The following RSBN1L variants were observed in gnomAD, a reference collection of about 807,000 sequenced individuals.
RSBN1L encodes lysine-specific demethylase RSBN1L.
In RSBN1L, 30 loss-of-function variants were observed where a neutral mutation model predicts 67.7. The observed-to-expected ratio is 0.44, with a 90% confidence interval of 0.33 to 0.60. The LOEUF is 0.60. RSBN1L is among the 20% of genes least tolerant of loss of function. The pLI is 0.02. For missense variants in RSBN1L, 992 were observed against 1,031.7 expected, an observed-to-expected ratio of 0.96 and a Z score of 0.53; for synonymous variants, 433 against 387.0, an observed-to-expected ratio of 1.12 and a Z score of -1.39.
intron 1 of RSBN1L, among the ~76,000 whole-genome samples, chr7:77,715,627 C>T (rs1288120713): frequency 6.6e-6 from 1 of 152,058 alleles, no homozygotes; most frequent in Non-Finnish European, 1.5e-5. Context: ...AATTGTTGGG[C>T]TGTTAAGTGT....
intron 3 of RSBN1L, among the ~76,000 whole-genome samples, chr7:77,762,146 TG>T (rs1442449683): frequency 6.6e-6 from 1 of 152,174 alleles, no homozygotes; most frequent in African/African-American, 2.4e-5. Flanking sequence ...CATATCTATA[TG>T]TTTTATATGT....
intron 1 of RSBN1L, among the ~76,000 whole-genome samples, chr7:77,700,465 G>A (rs538545703): frequency 9.8e-5 from 15 of 152,300 alleles, no homozygotes; most frequent in Admixed American, 4.6e-4. Flanking sequence ...CCTTGAAAGT[G>A]TAGTTGCAGG....
rs61611975 is a variant in RSBN1L, at chr7:77,716,624, C to CTTTTT, written c.586+19591_586+19595dup. 8.0e-5 allele frequency among the ~76,000 whole-genome samples: 6 copies of CTTTTT among 75,330 alleles called. 1 individual carries two copies. The highest frequency in any genetic ancestry group is 2.6e-4 in the African/African-American group (5 of 19,514). The allele number at this position is 75,330 out of a possible 152,430, so 49.4% of individuals were successfully genotyped here. A position where few individuals can be genotyped will look rare whatever the true frequency, so the allele number is the denominator to read the frequency against. On this transcript the variant is annotated intron_variant, in intron 1 of 7. Transcript: ENST00000334955. ...TTAAAAGCTGCATGTGTATCTTCATCTTTTTTTTTTTTTTTTTTTTTTTTT... is the reference window on the plus strand; with the variant it reads ...TTAAAAGCTGCATGTGTATCTTCATCTTTTTTTTTTTTTTTTTTTTTTTTTTTTTT...
At chr7:77,726,811 G>A (rs1360758261) in intron 1 of RSBN1L, among the ~76,000 whole-genome samples, 13 of 125,376 alleles carry the variant, frequency 1.0e-4, no homozygotes, top group Non-Finnish European at 1.6e-4. Context: ...GCAGAGTCTC[G>A]CTCTTGTTGC....
At chr7:77,744,139 C>G (rs1791449335) in intron 2 of RSBN1L, among the ~76,000 whole-genome samples, 1 of 152,102 alleles carries the variant, frequency 6.6e-6, no homozygotes, top group African/African-American at 2.4e-5. Context: ...TCAAGCCATC[C>G]TCCTGCCTCA....
chr7:77,771,176 G>A lies in RSBN1L; in HGVS notation c.1626-1971G>A, dbSNP rs140937878. Among the ~76,000 whole-genome samples, 408 of 152,292 alleles carry A rather than the reference G, an allele frequency of 2.7e-3. 1 individual carries two copies. Among genetic ancestry groups the A allele is most frequent in the African/African-American group, 9.5e-3 (395 of 41,564 alleles). ...AGGATGGTCTTGATCTCTTGATCTCGTGATCCTCCTGCCTCGGCCACCCAA... is the reference window on the plus strand; with the variant it reads ...AGGATGGTCTTGATCTCTTGATCTCATGATCCTCCTGCCTCGGCCACCCAA... On this transcript the variant is annotated intron_variant, in intron 5 of 7. Coordinates refer to ENST00000334955, the MANE Select transcript of RSBN1L (RefSeq NM_198467.3).
chr7:77,699,737 T>C (rs1297200761), intron 1 of RSBN1L, among the ~76,000 whole-genome samples: 2 of 152,202 alleles, frequency 1.3e-5, no homozygotes, highest in Non-Finnish European at 2.9e-5. Context: ...GCGTGATAGC[T>C]TGACTCACCA....
Position 77,736,465 on chromosome 7 carries a change from G to T in RSBN1L, c.642G>T (p.Lys214Asn). ...ACAAAGAAAAAGAAAGAGAAAAAAA[G>T]AAACATAAAGTAATGAATGAGATCA... is the stretch of plus-strand genomic sequence containing the variant. ...ERDKEKEREK[K>N]KHKVMNEIKK... Residue 214 changes from lysine to asparagine, a missense_variant, in exon 2 of 8, where the codon AAG becomes AAT. Physicochemically the swap from Lys to Asn is moderately conservative, Grantham distance 94. Around this residue, in one of 7 missense-constraint regions of RSBN1L, gnomAD observed 575 missense variants for 483.2 expected, o/e 1.19. Coordinates refer to ENST00000334955, the MANE Select transcript of RSBN1L (RefSeq NM_198467.3). 1 of 1,197,646 alleles carries T rather than the reference G, an allele frequency of 8.3e-7. No homozygotes were observed. Among genetic ancestry groups the T allele is most frequent in the South Asian group, 1.4e-5 (1 of 70,080 alleles). 74.2% of individuals were successfully genotyped at this position (1,197,646 alleles called of 1,614,324 possible). A position where few individuals can be genotyped will look rare whatever the true frequency, so the allele number is the denominator to read the frequency against.
chr7:77,723,035 T>G (rs1260018869), intron 1 of RSBN1L, among the ~76,000 whole-genome samples: 1 of 150,398 alleles, frequency 6.6e-6, no homozygotes, highest in African/African-American at 2.5e-5. Context: ...TGGTGCAATC[T>G]CGGCTCACCA....
intron 2 of RSBN1L, among the ~76,000 whole-genome samples, chr7:77,744,114 C>G (rs1317291542): frequency 6.6e-6 from 1 of 152,040 alleles, no homozygotes; most frequent in East Asian, 1.9e-4. Context: ...TCACAGCATC[C>G]TCAACCTACT....
At chr7:77,706,335 C>G (rs530816638) in intron 1 of RSBN1L, among the ~76,000 whole-genome samples, 1 of 152,200 alleles carries the variant, frequency 6.6e-6, no homozygotes, top group Admixed American at 6.5e-5. Flanking sequence ...CTTGGCCTCC[C>G]AAAGCTCTGG....
In RSBN1L at chr7:77,782,989, C is replaced by T. The variant is rs901031310; in HGVS notation, c.*3821C>T. On this transcript the variant is annotated 3_prime_UTR_variant, in exon 8 of 8. Transcript: ENST00000334955. ...TTTGAGAGATATTTTCCTTGTCTTC[C>T]ATCATTCAATAAATACTAAAATTGA... 3.9e-5 allele frequency: 6 copies of T among 152,128 alleles called. No homozygotes were observed. The highest frequency in any genetic ancestry group is 1.4e-4 in the African/African-American group (6 of 41,436). 9.4% of individuals were successfully genotyped at this position (152,128 alleles called of 1,614,324 possible).
intron 2 of RSBN1L, among the ~76,000 whole-genome samples, chr7:77,744,711 C>T (rs1167991983): frequency 1.3e-5 from 2 of 152,112 alleles, no homozygotes; most frequent in African/African-American, 4.8e-5. Flanking sequence ...AGCCACTGCG[C>T]CTGGCCACAG....
intron 1 of RSBN1L, among the ~76,000 whole-genome samples, chr7:77,714,264 G>C (rs1791014685): frequency 1.3e-5 from 2 of 152,056 alleles, no homozygotes; most frequent in South Asian, 4.1e-4. Context: ...GCCCTTTTTA[G>C]GTATATAGTT....
intron 1 of RSBN1L, among the ~76,000 whole-genome samples, chr7:77,713,127 T>G (rs1362212188): frequency 6.6e-6 from 1 of 152,192 alleles, no homozygotes; most frequent in Non-Finnish European, 1.5e-5. Context: ...GTTCATGTGC[T>G]TTGCCAAGTC....
intron 1 of RSBN1L, among the ~76,000 whole-genome samples, chr7:77,706,737 T>A (rs1301508912): frequency 2.0e-5 from 3 of 152,224 alleles, no homozygotes; most frequent in African/African-American, 7.2e-5. Flanking sequence ...AATCTTTTGG[T>A]AAACTCTTTT....
chr7:77,763,603 C>T lies in RSBN1L; in HGVS notation c.1345-1892C>T, dbSNP rs112202332. Among the ~76,000 whole-genome samples the T allele has an allele frequency of 7.9e-5, 12 of 152,262 alleles. 1 individual carries two copies. Among genetic ancestry groups the T allele is most frequent in the African/African-American group, 2.6e-4 (11 of 41,548 alleles). On this transcript the variant is annotated intron_variant, in intron 3 of 7. Transcript: ENST00000334955. ...GAGTTAGGCTTTAACTGTTAGCTCT[C>T]TTGATATTGGAGATGATAGGAATTT...
chr7:77,701,163 A>C (rs1790811891), intron 1 of RSBN1L, among the ~76,000 whole-genome samples: 1 of 114,068 alleles, frequency 8.8e-6, no homozygotes, highest in Admixed American at 8.3e-5. Flanking sequence ...AAAAAAAAAA[A>C]AAAAAAACAA....
chr7:77,747,243 G>A (rs1791496276), intron 2 of RSBN1L, among the ~76,000 whole-genome samples: 1 of 152,226 alleles, frequency 6.6e-6, no homozygotes, highest in Non-Finnish European at 1.5e-5. Context: ...AAGAGTTCAA[G>A]CAGGCTGCAG....
Sources: allele counts gnomAD v4.1 joint callset (sites outside exome capture counted in the v4.1 genomes callset), GRCh38; gene constraint gnomAD v4.1.1; regional missense constraint gnomAD v4.1.1; transcripts MANE v1.5; gene names NCBI Gene and HGNC (gene_info 2026-07-23, HGNC 2026-07-21).